The following C6 variants were observed in gnomAD, a reference collection of about 807,000 sequenced individuals.
C6 encodes the protein complement C6.
Under a neutral mutation model 112.9 loss-of-function variants are expected in C6, and 101 were observed. The ratio of observed to expected loss-of-function variants is 0.89; its 90% confidence interval spans 0.76 to 1.06. C6 has a LOEUF of 1.06. C6 is among the 50% of genes least tolerant of loss of function. The pLI is 0.00. For synonymous variants in C6, 431 were observed against 384.1 expected, an observed-to-expected ratio of 1.12 and a Z score of -1.43; for missense variants, 1,202 against 1,104.6, an observed-to-expected ratio of 1.09 and a Z score of -1.25.
intron 5 of C6, among the ~76,000 whole-genome samples, chr5:41,194,777 TTA>T (rs1750482269): frequency 6.6e-6 from 1 of 152,184 alleles, no homozygotes; most frequent in Non-Finnish European, 1.5e-5. Flanking sequence ...TAGCCTTCTC[TTA>T]TATTTCCTAA....
chr5:41,213,504 A>G lies in C6; in HGVS notation c.-149T>C. 3.0e-6 allele frequency: 3 copies of G among 985,166 alleles called. No individual in the cohort carries two copies. Among genetic ancestry groups the G allele is most frequent in the Non-Finnish European group, 3.6e-6 (3 of 829,730 alleles). The allele number at this position is 985,166 out of a possible 1,614,324, so 61.0% of individuals were successfully genotyped here. Reference sequence around the variant, plus strand: ...TTCTTTTCTTATTGCTAGCTAACACAAGGCAATGCTGTCATATCCCAGAAG... The same window carrying G: ...TTCTTTTCTTATTGCTAGCTAACACGAGGCAATGCTGTCATATCCCAGAAG... On this transcript the variant is annotated 5_prime_UTR_variant, in exon 1 of 18. Coordinates refer to ENST00000337836, the MANE Select transcript of C6 (RefSeq NM_000065.5).
At chr5:41,237,089 T>C (rs1369716068) in intron 1 of C6, among the ~76,000 whole-genome samples, 2 of 134,178 alleles carry the variant, frequency 1.5e-5, no homozygotes, top group Non-Finnish European at 1.6e-5. Context: ...TAATCAATAG[T>C]TTACCAACCA....
chr5:41,211,795 G>A (rs16870999), intron 1 of C6, among the ~76,000 whole-genome samples: 9,437 of 152,156 alleles, frequency 0.062, 392 homozygotes, highest in African/African-American at 0.12. Flanking sequence ...CAATTGTAGA[G>A]AAAACAAATT....
At chr5:41,258,936 C>T (rs1391577494) in intron 1 of C6, among the ~76,000 whole-genome samples, 1 of 152,100 alleles carries the variant, frequency 6.6e-6, no homozygotes, top group Non-Finnish European at 1.5e-5. Flanking sequence ...TCATCTGGTC[C>T]CACCCTTGAC....
chr5:41,179,300 T>G lies in C6; in HGVS notation c.927+2059A>C, dbSNP rs146259802. On this transcript the variant is annotated intron_variant, in intron 7 of 17. Coordinates refer to ENST00000337836, the MANE Select transcript of C6 (RefSeq NM_000065.5). The stretch of plus-strand genomic sequence containing the variant: ...TAGCTGTTTATCTACATATAAGGGT[T>G]TTACAAACGTTCTCTAGCATGTTTG... Among the ~76,000 whole-genome samples the G allele has an allele frequency of 6.3e-3, 957 of 152,312 alleles. 7 individuals carry two copies. The highest frequency in any genetic ancestry group is 0.022 in the African/African-American group (918 of 41,564).
intron 1 of C6, among the ~76,000 whole-genome samples, chr5:41,205,957 A>C (rs1751404141): frequency 1.3e-5 from 2 of 152,172 alleles, no homozygotes; most frequent in Non-Finnish European, 2.9e-5. Context: ...CCTAACTGGG[A>C]AACACCTCCC....
chr5:41,150,062 CA>C, intron 15 of C6, 37 bp from the exon 16 acceptor site: 1 of 1,271,508 alleles, frequency 7.9e-7, no homozygotes, highest in Non-Finnish European at 1.2e-6. Context: ...GAACAGTGCA[CA>C]GCATGGATTC....
chr5:41,238,488 GA>G (rs1344882052), intron 1 of C6, among the ~76,000 whole-genome samples: 1 of 152,168 alleles, frequency 6.6e-6, no homozygotes, highest in African/African-American at 2.4e-5. Context: ...CCCAGGCGAA[GA>G]GGAGAATATG....
exon 1 of C6, chr5:41,261,385 T>A (rs1742040367): frequency 5.4e-6 from 1 of 185,186 alleles, no homozygotes; most frequent in Non-Finnish European, 1.0e-5. Flanking sequence ...GAATAAAATT[T>A]AATGAATGTT....
chr5:41,241,173 C>A (rs1275974168), intron 1 of C6, among the ~76,000 whole-genome samples: 3 of 152,174 alleles, frequency 2.0e-5, no homozygotes, highest in Admixed American at 6.5e-5. Context: ...CTATCCTCAG[C>A]ATGTATGCAA....
chr5:41,155,164 T>G, intron 13 of C6, 60 bp from the exon 14 acceptor site: 1 of 1,480,974 alleles, frequency 6.8e-7, no homozygotes, highest in Non-Finnish European at 9.4e-7. Flanking sequence ...CTAAACTCTT[T>G]AGTCTCACAC....
At chr5:41,145,228 C>A (rs1038184005) in intron 17 of C6, among the ~76,000 whole-genome samples, 50 of 152,148 alleles carry the variant, frequency 3.3e-4, no homozygotes, top group African/African-American at 1.2e-3. Flanking sequence ...TTTTATTTAG[C>A]TAAATTTTAG....
chr5:41,176,191 G>A (rs908624775), intron 8 of C6, among the ~76,000 whole-genome samples: 39 of 152,124 alleles, frequency 2.6e-4, no homozygotes, highest in African/African-American at 8.9e-4. Flanking sequence ...AACCACTACT[G>A]TGTAAGCTTA....
chr5:41,200,742 T>C (rs1302629461), intron 3 of C6, among the ~76,000 whole-genome samples: 1 of 152,012 alleles, frequency 6.6e-6, no homozygotes, highest in Non-Finnish European at 1.5e-5. Context: ...AATATTTCAA[T>C]GGGGAACAAT....
chr5:41,149,247 AT>A lies in C6; in HGVS notation c.2616del (p.Lys872AsnfsTer38). On this transcript the variant is annotated frameshift_variant, in exon 17 of 18. Coordinates refer to ENST00000337836, the MANE Select transcript of C6 (RefSeq NM_000065.5). LOFTEE classifies it high-confidence loss of function. ...GGTCACCATTGGAACTTACCTGAAC[AT>A]TTTTCCCAGTCATAGCAGGTGTCAT... ...CGYDTCYDWE[K>X]CSASTSKCVC... 1 of 1,613,918 alleles carries A rather than the reference AT, an allele frequency of 6.2e-7. No homozygotes were observed. The highest frequency in any genetic ancestry group is 8.5e-7 in the Non-Finnish European group (1 of 1,179,924).
chr5:41,256,792 G>T (rs989845414), intron 1 of C6, among the ~76,000 whole-genome samples: 1 of 152,150 alleles, frequency 6.6e-6, no homozygotes, highest in Non-Finnish European at 1.5e-5. Context: ...ACAGATTGAA[G>T]GCCAGCCAGC....
At chr5:41,223,668 C>T (rs1197957505) in intron 1 of C6, among the ~76,000 whole-genome samples, 3 of 152,124 alleles carry the variant, frequency 2.0e-5, no homozygotes, top group African/African-American at 4.8e-5. Context: ...AGCAAAAATA[C>T]ATGTCATTGA....
Position 41,211,293 on chromosome 5 carries a change from C to G in C6, c.-21+2083G>C, listed in dbSNP as rs574838843. On this transcript the variant is annotated intron_variant, in intron 1 of 17. Coordinates refer to ENST00000337836, the MANE Select transcript of C6 (RefSeq NM_000065.5). ...AGGACATATACCTAATGCTAAATGACGAGTTAATGGGTGCAGTACACCAAC... is the reference window on the plus strand; with the variant it reads ...AGGACATATACCTAATGCTAAATGAGGAGTTAATGGGTGCAGTACACCAAC... Among the ~76,000 whole-genome samples, 516 of 145,692 alleles carry G rather than the reference C, an allele frequency of 3.5e-3. 2 individuals carry two copies. Among genetic ancestry groups the G allele is most frequent in the African/African-American group, 0.013 (506 of 40,316 alleles).
At position 41,187,706 on chromosome 5, in the gene C6, AC is replaced by A. The variant is rs1448684631; in HGVS notation, c.588-1499del. 5.2e-5 allele frequency among the ~76,000 whole-genome samples: 6 copies of A among 115,760 alleles called. No homozygotes were observed. The East Asian group carries it at 1.2e-3, about 23-fold the overall frequency. The allele number at this position is 115,760 out of a possible 152,430, so 75.9% of individuals were successfully genotyped here. On this transcript the variant is annotated intron_variant, in intron 5 of 17. Coordinates refer to ENST00000337836, the MANE Select transcript of C6 (RefSeq NM_000065.5). ...AGTACACAGACACACACATACACAC[AC>A]ACACACACACACACACACAGCTTTT...
Sources: allele counts gnomAD v4.1 joint callset (sites outside exome capture counted in the v4.1 genomes callset), GRCh38; gene constraint gnomAD v4.1.1; transcripts MANE v1.5; gene names NCBI Gene and HGNC (gene_info 2026-07-23, HGNC 2026-07-21).